SMIM35: variants seen among roughly 807,000 people sequenced by gnomAD.
SMIM35 encodes the protein small integral membrane protein 35.
intron 1 of SMIM35, among the ~76,000 whole-genome samples, chr11:118,068,613 C>G (rs1944522460): frequency 1.3e-5 from 2 of 152,126 alleles, no homozygotes; most frequent in Non-Finnish European, 2.9e-5. Flanking sequence ...TGCAGGCAGC[C>G]TGGGGAATGA....
At chr11:118,006,860 G>A (rs958298377) in intron 4 of SMIM35, among the ~76,000 whole-genome samples, 1 of 152,148 alleles carries the variant, frequency 6.6e-6, no homozygotes, top group Non-Finnish European at 1.5e-5. Flanking sequence ...GGAACTCAGG[G>A]CTATAGACCA....
rs529953268 is a variant in SMIM35, at chr11:118,070,108, T to C, written c.7+16643A>G. On this transcript the variant is annotated intron_variant, in intron 1 of 4. Coordinates refer to ENST00000689828, the MANE Select transcript of SMIM35 (RefSeq NM_001394165.1). Reference sequence around the variant, plus strand: ...CATTCCAAGTATATGTTGTTCATTATCCGGATACTGAGAAAAACAAATGGG... The same window carrying C: ...CATTCCAAGTATATGTTGTTCATTACCCGGATACTGAGAAAAACAAATGGG... Among the ~76,000 whole-genome samples, 4 of 152,330 alleles carry C rather than the reference T, an allele frequency of 2.6e-5. No individual in the cohort carries two copies. In the East Asian group the frequency reaches 5.8e-4, roughly 22 times the overall value.
intron 1 of SMIM35, among the ~76,000 whole-genome samples, chr11:118,073,905 G>A (rs1248244080): frequency 2.0e-5 from 3 of 152,210 alleles, no homozygotes; most frequent in Admixed American, 2.0e-4. Context: ...AAACCTCATA[G>A]AAAACAAACA....
intron 1 of SMIM35, among the ~76,000 whole-genome samples, chr11:118,042,756 A>G (rs774075733): frequency 4.6e-5 from 7 of 152,256 alleles, no homozygotes; most frequent in Non-Finnish European, 1.0e-4. Context: ...AATCCTCAAC[A>G]AAATACTAGC....
chr11:118,066,416 A>G (rs1786188), intron 1 of SMIM35, among the ~76,000 whole-genome samples: 125,711 of 151,984 alleles, frequency 0.83, 52,215 homozygotes, highest in East Asian at 0.93. Flanking sequence ...AGCTACCAGA[A>G]TGATCTTTCA....
chr11:118,077,203 G>A, intron 1 of SMIM35: 1 of 1,504,810 alleles, frequency 6.6e-7, no homozygotes, highest in Admixed American at 2.0e-5. Context: ...CTTCTGACCT[G>A]CTGGCCAGCC....
chr11:118,011,327 G>A (rs537451898), intron 4 of SMIM35, among the ~76,000 whole-genome samples: 1 of 152,160 alleles, frequency 6.6e-6, no homozygotes, highest in African/African-American at 2.4e-5. Context: ...GAGCACTTCC[G>A]GGGGCCTAGG....
chr11:118,077,313 TG>T, intron 1 of SMIM35: 1 of 1,598,722 alleles, frequency 6.3e-7, no homozygotes, highest in Non-Finnish European at 8.5e-7. Context: ...ATGGTGAGTG[TG>T]GGGCCCTCTG....
intron 1 of SMIM35, among the ~76,000 whole-genome samples, chr11:118,045,914 G>GGCCT: frequency 6.6e-6 from 1 of 152,370 alleles, no homozygotes; most frequent in Non-Finnish European, 1.5e-5. Context: ...CTCTGGGCAA[G>GGCCT]ATTGAGTTTT....
intron 1 of SMIM35, among the ~76,000 whole-genome samples, chr11:118,086,320 C>T (rs914012502): frequency 2.6e-5 from 4 of 152,234 alleles, no homozygotes; most frequent in African/African-American, 9.6e-5. Context: ...CCAGGCCCTG[C>T]CCTGGAGCCA....
intron 1 of SMIM35, among the ~76,000 whole-genome samples, chr11:118,057,021 G>T (rs940665283): frequency 6.6e-6 from 1 of 152,202 alleles, no homozygotes; most frequent in Admixed American, 6.5e-5. Flanking sequence ...CACTCCCCAA[G>T]CTGAGTGGTG....
intron 4 of SMIM35, among the ~76,000 whole-genome samples, chr11:118,012,707 T>C (rs1444532827): frequency 6.6e-6 from 1 of 151,158 alleles, no homozygotes; most frequent in Non-Finnish European, 1.5e-5. Context: ...AGGGGGAGGG[T>C]TGAAAGTGCT....
In SMIM35 at chr11:118,013,882, T is replaced by C. The variant is rs530823811; in HGVS notation, c.159-2A>G. The C allele has an allele frequency of 2.1e-4, 83 of 398,940 alleles. No homozygotes were observed. The highest frequency in any genetic ancestry group is 3.3e-4 in the Non-Finnish European group (74 of 226,078). The allele number at this position is 398,940 out of a possible 1,614,324, so 24.7% of individuals were successfully genotyped here. A position where few individuals can be genotyped will look rare whatever the true frequency, so the allele number is the denominator to read the frequency against. The stretch of plus-strand genomic sequence containing the variant: ...CCCATCTCCAGATCCTTCAGGTTCC[T>C]GAAAAAGATGATCCAATCAGGCTAC... On this transcript the variant is annotated splice_acceptor_variant, in intron 3 of 4. Transcript: ENST00000689828. LOFTEE classifies it high-confidence loss of function.
chr11:118,032,084 A>G (rs2058324708), intron 1 of SMIM35: 1 of 152,212 alleles, frequency 6.6e-6, no homozygotes, highest in Admixed American at 6.5e-5. Context: ...GTGAGCCAAG[A>G]TCACACCACT....
At chr11:118,061,103 G>A (rs778390337) in intron 1 of SMIM35, among the ~76,000 whole-genome samples, 5 of 152,146 alleles carry the variant, frequency 3.3e-5, no homozygotes, top group East Asian at 1.9e-4. Context: ...GTTCCAAAAC[G>A]GGACACCTTG....
At chr11:118,073,956 G>A (rs968247590) in intron 1 of SMIM35, among the ~76,000 whole-genome samples, 5 of 152,224 alleles carry the variant, frequency 3.3e-5, no homozygotes, top group Non-Finnish European at 4.4e-5. Context: ...CTCAGAATCT[G>A]GTGTGCATAG....
At chr11:118,031,097 G>T (rs1165797466) in intron 1 of SMIM35, among the ~76,000 whole-genome samples, 9 of 152,090 alleles carry the variant, frequency 5.9e-5, no homozygotes, top group Non-Finnish European at 2.9e-5. Context: ...TCACACTGTT[G>T]GAAAAAAGAG....
chr11:118,029,205 T>G (rs1010971849), intron 1 of SMIM35, among the ~76,000 whole-genome samples: 9 of 152,130 alleles, frequency 5.9e-5, no homozygotes, highest in African/African-American at 1.4e-4. Context: ...CTTACACCTA[T>G]AATCCCAGCA....
At chr11:118,048,241 G>A (rs1480606041) in intron 1 of SMIM35, among the ~76,000 whole-genome samples, 1 of 152,204 alleles carries the variant, frequency 6.6e-6, no homozygotes, top group East Asian at 1.9e-4. Flanking sequence ...AAAAATATTA[G>A]GCCGGGCACG....
Sources: gnomAD v4.1 joint callset for allele counts (sites outside exome capture counted in the v4.1 genomes callset) on GRCh38, gnomAD v4.1.1 for gene constraint, MANE v1.5 for transcripts, NCBI Gene and HGNC (gene_info 2026-07-23, HGNC 2026-07-21) for gene names.